Variants in NRXN3 observed in about 807,000 individuals in gnomAD.
NRXN3 encodes neurexin 3, also known as neurexin III.
NRXN3 carries 32 observed loss-of-function variants against 137.6 expected under a neutral mutation model. The observed-to-expected ratio is 0.23, with a 90% CI of 0.18 to 0.31. The LOEUF is 0.31. Ranked by LOEUF, NRXN3 falls within the 10% of genes least tolerant of loss-of-function variation. The pLI is 1.00. For synonymous variants in NRXN3, 798 were observed against 784.5 expected (o/e 1.02, Z -0.29); for missense variants, 1,574 against 2,062.5 (o/e 0.76, Z 4.59).
At chr14:79,798,556 T>C (rs964475250) in intron 19 of NRXN3, among the ~76,000 whole-genome samples, 6 of 152,224 alleles carry the variant, frequency 3.9e-5, no homozygotes, top group African/African-American at 1.2e-4. Context: ...ATCATCATTC[T>C]TGAGTGTGTT....
chr14:78,457,989 C>T (rs1409280514), intron 4 of NRXN3, among the ~76,000 whole-genome samples: 2 of 152,132 alleles, frequency 1.3e-5, no homozygotes, highest in Non-Finnish European at 2.9e-5. Flanking sequence ...AATTCTCTGA[C>T]CTTATCTAGG....
chr14:78,288,920 C>T (rs888077680), intron 3 of NRXN3, among the ~76,000 whole-genome samples: 3 of 152,214 alleles, frequency 2.0e-5, no homozygotes, highest in African/African-American at 7.2e-5. Flanking sequence ...TTCAGTCCAG[C>T]CACCTTGCCA....
chr14:78,811,440 C>T lies in NRXN3; in HGVS notation c.2275+1096C>T, dbSNP rs767966374. ...TGCCTTGCCTGGAAGTAACAAACAT[C>T]GCTTCTATCCATATTTGGTTTGCTA... On this transcript the variant is annotated intron_variant, in intron 10 of 20. Transcript: ENST00000335750. 5.9e-5 allele frequency among the ~76,000 whole-genome samples: 9 copies of T among 152,114 alleles called. 1 individual carries two copies. Among genetic ancestry groups the T allele is most frequent in the South Asian group, 2.1e-4 (1 of 4,824 alleles).
At chr14:79,845,536 G>A (rs891687410) in intron 20 of NRXN3, among the ~76,000 whole-genome samples, 18 of 151,928 alleles carry the variant, frequency 1.2e-4, no homozygotes, top group South Asian at 2.1e-4. Context: ...GGGGTGGGGG[G>A]CTGGAGAGAG....
At chr14:78,258,401 TG>T (rs1383634977) in intron 2 of NRXN3, among the ~76,000 whole-genome samples, 4 of 145,694 alleles carry the variant, frequency 2.7e-5, no homozygotes, top group African/African-American at 1.0e-4. Flanking sequence ...TGTCGGGAGA[TG>T]TACAGGGGCA....
intron 4 of NRXN3, among the ~76,000 whole-genome samples, chr14:78,332,960 C>T (rs1353176445): frequency 2.0e-5 from 3 of 151,954 alleles, no homozygotes; most frequent in East Asian, 1.9e-4. Flanking sequence ...CCACTTTAAT[C>T]GGAGGTCAGA....
chr14:79,411,080 AAG>A (rs2095411515), intron 15 of NRXN3, among the ~76,000 whole-genome samples: 1 of 152,060 alleles, frequency 6.6e-6, no homozygotes, highest in African/African-American at 2.4e-5. Flanking sequence ...GGTTTTGCAT[AAG>A]GTAATTTTGT....
chr14:79,570,625 T>G (rs772565260), intron 16 of NRXN3: 1 of 152,208 alleles, frequency 6.6e-6, no homozygotes, highest in Non-Finnish European at 1.5e-5. Flanking sequence ...GAATGAGATA[T>G]GATAAATTGG....
intron 15 of NRXN3, among the ~76,000 whole-genome samples, chr14:79,306,968 G>T (rs1287914768): frequency 6.6e-6 from 1 of 152,066 alleles, no homozygotes; most frequent in African/African-American, 2.4e-5. Flanking sequence ...ATTAAGAGCT[G>T]TCTCCTTAAG....
intron 16 of NRXN3, among the ~76,000 whole-genome samples, chr14:79,593,012 T>G (rs2153823067): frequency 6.6e-6 from 1 of 152,306 alleles, no homozygotes; most frequent in African/African-American, 2.4e-5. Flanking sequence ...AAACATATAC[T>G]AATCACTTGT....
At chr14:78,465,232 G>A (rs762406882) in intron 4 of NRXN3, among the ~76,000 whole-genome samples, 3 of 151,880 alleles carry the variant, frequency 2.0e-5, no homozygotes, top group Admixed American at 6.6e-5. Context: ...TACGGAGAAG[G>A]ACACTATCAT....
chr14:78,308,788 C>A (rs945562027), intron 4 of NRXN3, among the ~76,000 whole-genome samples: 19 of 152,016 alleles, frequency 1.2e-4, no homozygotes, highest in Non-Finnish European at 2.2e-4. Flanking sequence ...AAAAGTCTTT[C>A]AAGCAATAAA....
At chr14:79,351,419 A>G (rs2093201835) in intron 15 of NRXN3, among the ~76,000 whole-genome samples, 1 of 152,194 alleles carries the variant, frequency 6.6e-6, no homozygotes, top group African/African-American at 2.4e-5. Flanking sequence ...TCAAAATTCT[A>G]TGATTCTTTC....
At chr14:78,914,962 G>A (rs1481554667) in intron 10 of NRXN3, among the ~76,000 whole-genome samples, 1 of 152,060 alleles carries the variant, frequency 6.6e-6, no homozygotes, top group Non-Finnish European at 1.5e-5. Flanking sequence ...CCATTTGATT[G>A]GAACAAATGG....
intron 8 of NRXN3, among the ~76,000 whole-genome samples, chr14:78,801,972 A>G (rs2098840529): frequency 6.6e-6 from 1 of 152,186 alleles, no homozygotes; most frequent in Admixed American, 6.5e-5. Context: ...TAGAACAGGG[A>G]CCTTGTCTGT....
intron 15 of NRXN3, among the ~76,000 whole-genome samples, chr14:79,297,926 A>T (rs955611255): frequency 6.6e-6 from 1 of 152,114 alleles, no homozygotes; most frequent in Non-Finnish European, 1.5e-5. Context: ...GTTCCCCATT[A>T]TGCCCCTTGG....
intron 6 of NRXN3, among the ~76,000 whole-genome samples, chr14:78,655,122 C>G (rs982399603): frequency 6.6e-6 from 1 of 152,150 alleles, no homozygotes; most frequent in Non-Finnish European, 1.5e-5. Context: ...ATCAGAAAAT[C>G]TGCTTAAGAA....
intron 2 of NRXN3, among the ~76,000 whole-genome samples, chr14:78,244,564 A>G (rs1361833956): frequency 6.6e-6 from 1 of 152,204 alleles, no homozygotes; most frequent in Non-Finnish European, 1.5e-5. Context: ...CACATAAAGA[A>G]TGCCTGTGCA....
At position 78,967,217 on chromosome 14, in the gene NRXN3, C is replaced by G; in HGVS notation, c.2787C>G (p.His929Gln). 6.2e-7 allele frequency: 1 copy of G among 1,603,916 alleles called. No homozygotes were observed. Among genetic ancestry groups the G allele is most frequent in the Non-Finnish European group, 8.5e-7 (1 of 1,174,078 alleles). Reference sequence around the variant, plus strand: ...TTTTTTTTCTTCCTAGGTATATACACTACGTTTTTGACCTCGGAAACGGTC... The same window carrying G: ...TTTTTTTTCTTCCTAGGTATATACAGTACGTTTTTGACCTCGGAAACGGTC... Reference protein sequence around the residue: ...IAVELVKGYIHYVFDLGNGPN... With the variant: ...IAVELVKGYIQYVFDLGNGPN... Residue 929 changes from histidine (H) to glutamine (Q), a missense_variant, in exon 13 of 21, where the codon CAC (histidine) becomes CAG (glutamine). This residue lies in a region of NRXN3 where 718 missense variants were observed against 887.6 expected (regional missense o/e 0.81). Transcript: ENST00000335750.
Sources: allele counts gnomAD v4.1 joint callset (sites outside exome capture counted in the v4.1 genomes callset), GRCh38; gene constraint gnomAD v4.1.1; regional missense constraint gnomAD v4.1.1; transcripts MANE v1.5; gene names NCBI Gene and HGNC (gene_info 2026-07-23, HGNC 2026-07-21).